The following WWOX variants were observed in gnomAD, a reference collection of about 807,000 sequenced individuals.
WWOX encodes the protein WW domain containing oxidoreductase, also known as WW domain-containing oxidoreductase.
A neutral mutation model predicts 46.2 loss-of-function variants in WWOX; 69 were observed. The ratio of observed to expected loss-of-function variants is 1.49; its 90% CI spans 1.23 to 1.82. The LOEUF is 1.82. Ranked by LOEUF, WWOX falls within the 40% of genes most tolerant of loss-of-function variation. WWOX has a pLI of 0.00. For missense variants in WWOX, 919 were observed against 542.6 expected, an observed-to-expected ratio of 1.69 and a Z score of -6.89; for synonymous variants, 359 against 202.6, an observed-to-expected ratio of 1.77 and a Z score of -6.56.
intron 4 of WWOX, among the ~76,000 whole-genome samples, chr16:78,155,127 G>A (rs934008429): frequency 5.9e-5 from 9 of 152,022 alleles, no homozygotes; most frequent in Admixed American, 2.0e-4. Flanking sequence ...TCTCCCCAAT[G>A]TTTTAATGCT....
chr16:79,056,800 C>G (rs1225042372), intron 8 of WWOX, among the ~76,000 whole-genome samples: 2 of 152,242 alleles, frequency 1.3e-5, no homozygotes, highest in African/African-American at 4.8e-5. Flanking sequence ...TGAGATTGAA[C>G]TTGATTTTCT....
chr16:78,468,781 A>G (rs541310437), intron 8 of WWOX, among the ~76,000 whole-genome samples: 58 of 152,310 alleles, frequency 3.8e-4, no homozygotes, highest in Non-Finnish European at 7.4e-4. Flanking sequence ...AGTGGGATAC[A>G]GCAACAATCT....
Position 79,211,717 on chromosome 16 carries a change from A to C in WWOX, c.1166A>C (p.Gln389Pro). Reference protein sequence around the residue: ...CCRCMPSPEAQSEETARTLWA... With the variant: ...CCRCMPSPEAPSEETARTLWA... ...CGCTGCATGCCCTCACCAGAAGCTCAGAGCGAAGAGACGGCCCGGACCCTG... is the reference window on the plus strand; with the variant it reads ...CGCTGCATGCCCTCACCAGAAGCTCCGAGCGAAGAGACGGCCCGGACCCTG... The change falls in exon 9 of 9, where the codon CAG becomes CCG. Residue 389 changes from glutamine (Q) to proline (P), a missense_variant. Transcript: ENST00000566780. The C allele has an allele frequency of 6.2e-7, 1 of 1,614,218 alleles. No individual in the cohort carries two copies. The highest frequency in any genetic ancestry group is 8.5e-7 in the Non-Finnish European group (1 of 1,180,034).
At chr16:78,676,574 A>G (rs1449892277) in intron 8 of WWOX, among the ~76,000 whole-genome samples, 3 of 152,136 alleles carry the variant, frequency 2.0e-5, no homozygotes, top group South Asian at 4.1e-4. Flanking sequence ...TTTCATCAGG[A>G]TGAAATATCG....
chr16:79,027,646 A>G (rs144597765), intron 8 of WWOX, among the ~76,000 whole-genome samples: 1,732 of 152,036 alleles, frequency 0.011, 15 homozygotes, highest in Non-Finnish European at 0.018. Flanking sequence ...GGTCATTGTT[A>G]TAAGCCAAGC....
intron 8 of WWOX, among the ~76,000 whole-genome samples, chr16:79,007,438 A>G (rs1253219070): frequency 6.6e-6 from 1 of 152,166 alleles, no homozygotes; most frequent in Non-Finnish European, 1.5e-5. Context: ...CTTCGAAAGG[A>G]TGTATTGGAG....
intron 6 of WWOX, among the ~76,000 whole-genome samples, chr16:78,387,676 C>G (rs900476852): frequency 2.0e-5 from 3 of 152,118 alleles, no homozygotes; most frequent in African/African-American, 7.2e-5. Flanking sequence ...ACACTAATTA[C>G]AATACTTTGT....
intron 8 of WWOX, among the ~76,000 whole-genome samples, chr16:79,098,632 G>A (rs573044969): frequency 2.3e-4 from 35 of 152,280 alleles, no homozygotes; most frequent in Middle Eastern, 6.8e-3. Flanking sequence ...AAGAAGAATG[G>A]TTTCATAGTG....
chr16:78,607,304 G>T (rs1043459374), intron 8 of WWOX, among the ~76,000 whole-genome samples: 9 of 151,772 alleles, frequency 5.9e-5, no homozygotes, highest in Non-Finnish European at 1.3e-4. Flanking sequence ...TGTAAGAATC[G>T]GGGCTCCTGT....
chr16:78,385,180 A>T (rs961988347), intron 5 of WWOX, among the ~76,000 whole-genome samples: 2 of 117,920 alleles, frequency 1.7e-5, no homozygotes, highest in Admixed American at 8.1e-5. Flanking sequence ...GGGCTTTGTT[A>T]GCAGGCATGA....
intron 8 of WWOX, among the ~76,000 whole-genome samples, chr16:78,870,828 C>G (rs1328048665): frequency 6.6e-6 from 1 of 152,198 alleles, no homozygotes; most frequent in African/African-American, 2.4e-5. Context: ...TCTCGAACTC[C>G]TGAGCTTAGG....
At chr16:78,825,102 C>T (rs1409836802) in intron 8 of WWOX, among the ~76,000 whole-genome samples, 1 of 152,034 alleles carries the variant, frequency 6.6e-6, no homozygotes, top group Non-Finnish European at 1.5e-5. Flanking sequence ...AATGAGGATG[C>T]CGGCACTCGG....
chr16:79,082,043 T>A (rs912974655), intron 8 of WWOX, among the ~76,000 whole-genome samples: 5 of 152,090 alleles, frequency 3.3e-5, no homozygotes, highest in African/African-American at 7.2e-5. Flanking sequence ...TATGTCAAAA[T>A]CAATCTGATG....
intron 8 of WWOX, among the ~76,000 whole-genome samples, chr16:78,565,703 C>T (rs2044548028): frequency 6.6e-6 from 1 of 152,104 alleles, no homozygotes; most frequent in African/African-American, 2.4e-5. Context: ...ATTACTCTAC[C>T]ACAACCACTA....
chr16:78,835,140 T>C (rs1179924966), intron 8 of WWOX, among the ~76,000 whole-genome samples: 2 of 152,172 alleles, frequency 1.3e-5, no homozygotes, highest in African/African-American at 4.8e-5. Context: ...TTGAATCCAG[T>C]GTATCTTGCT....
intron 8 of WWOX, among the ~76,000 whole-genome samples, chr16:78,863,036 A>C (rs569395563): frequency 1.2e-4 from 17 of 143,258 alleles, no homozygotes; most frequent in African/African-American, 4.2e-4. Context: ...TTGGCTCACC[A>C]CAACCTCTGC....
chr16:78,118,961 G>A (rs1280037803), intron 4 of WWOX: 2 of 152,078 alleles, frequency 1.3e-5, no homozygotes, highest in Non-Finnish European at 1.5e-5. Context: ...CCAGCTTTCT[G>A]AACCTGAAGA....
intron 5 of WWOX, among the ~76,000 whole-genome samples, chr16:78,378,699 C>CG (rs2081885393): frequency 6.6e-6 from 1 of 152,018 alleles, no homozygotes; most frequent in South Asian, 2.1e-4. Flanking sequence ...GTATGTAAAG[C>CG]GGAAGGGTGA....
intron 8 of WWOX, among the ~76,000 whole-genome samples, chr16:78,659,557 C>T (rs889819128): frequency 6.6e-6 from 1 of 152,114 alleles, no homozygotes; most frequent in African/African-American, 2.4e-5. Flanking sequence ...AAAAACCTTT[C>T]GAGACATCAT....
Sources: gnomAD v4.1 joint callset for allele counts (sites outside exome capture counted in the v4.1 genomes callset) on GRCh38, gnomAD v4.1.1 for gene constraint, MANE v1.5 for transcripts, NCBI Gene and HGNC (gene_info 2026-07-23, HGNC 2026-07-21) for gene names.